The following SRPK2 variants were observed in gnomAD, a reference collection of about 807,000 sequenced individuals.
The protein encoded by SRPK2 is SFRS protein kinase 2.
A neutral mutation model predicts 90.8 loss-of-function variants in SRPK2; 21 were observed. That is an observed-to-expected ratio of 0.23 (90% confidence interval 0.16 to 0.33). SRPK2 has a LOEUF of 0.33. SRPK2 is among the 10% of genes least tolerant of loss of function. SRPK2 has a pLI of 1.00. For missense variants in SRPK2, 620 were observed against 869.0 expected, an observed-to-expected ratio of 0.71 and a Z score of 3.60; for synonymous variants, 288 against 311.1, an observed-to-expected ratio of 0.93 and a Z score of 0.78.
At chr7:105,379,496 C>A (rs549875697) in intron 2 of SRPK2, among the ~76,000 whole-genome samples, 2 of 152,124 alleles carry the variant, frequency 1.3e-5, no homozygotes, top group South Asian at 2.1e-4. Flanking sequence ...ATATGAAATT[C>A]AAGAACAGAC....
At chr7:105,122,726 T>C (rs1443460927) in intron 15 of SRPK2, among the ~76,000 whole-genome samples, 1 of 152,138 alleles carries the variant, frequency 6.6e-6, no homozygotes, top group African/African-American at 2.4e-5. Context: ...AACGTGGATT[T>C]TATGCTGCTG....
rs1298799106 is a variant in SRPK2 at position 105,294,534 on chromosome 7, TTTGTTTTG to T, written c.72-90757_72-90750del. On this transcript the variant is annotated intron_variant, in intron 2 of 15. Transcript: ENST00000393651. ...GTTTTTTTGTTTTGTTTTGTTTTGT[TTTGTTTTG>T]TTTTTTTGAAATGGAGTCTCTGTGT... 2.1e-3 allele frequency among the ~76,000 whole-genome samples: 319 copies of T among 151,954 alleles called. 2 individuals carry two copies. The highest frequency in any genetic ancestry group is 7.4e-3 in the African/African-American group (307 of 41,470).
intron 2 of SRPK2, among the ~76,000 whole-genome samples, chr7:105,303,005 C>T (rs1362858487): frequency 6.6e-6 from 1 of 151,768 alleles, no homozygotes; most frequent in Non-Finnish European, 1.5e-5. Flanking sequence ...ACCCAGGAGG[C>T]GGAGCTTGCA....
In SRPK2 at chr7:105,144,809, A is replaced by G. The variant is rs187518462; in HGVS notation, c.813+474T>C. Among the ~76,000 whole-genome samples the G allele has an allele frequency of 1.2e-4, 18 of 152,316 alleles. No individual in the cohort carries two copies. The East Asian group carries it at 3.3e-3, about 28-fold the overall frequency. On this transcript the variant is annotated intron_variant, in intron 9 of 15. Transcript: ENST00000393651. ...CTATCCCAACTCTGCACAGATCATTAAAACTTAACAAGACAGGCTGGGCGT... is the reference window on the plus strand; with the variant it reads ...CTATCCCAACTCTGCACAGATCATTGAAACTTAACAAGACAGGCTGGGCGT...
chr7:105,347,062 CTT>C (rs540861532), intron 2 of SRPK2, among the ~76,000 whole-genome samples: 3 of 140,216 alleles, frequency 2.1e-5, no homozygotes, highest in Non-Finnish European at 3.1e-5. Context: ...GATAGACTGG[CTT>C]TTTTTTTTTT....
At chr7:105,208,968 A>G (rs1796533227) in intron 2 of SRPK2, among the ~76,000 whole-genome samples, 1 of 151,992 alleles carries the variant, frequency 6.6e-6, no homozygotes, top group South Asian at 2.1e-4. Context: ...CAAAAACAAC[A>G]ATAAATTTTT....
intron 2 of SRPK2, among the ~76,000 whole-genome samples, chr7:105,272,327 C>A (rs1416915504): frequency 6.6e-6 from 1 of 152,196 alleles, no homozygotes; most frequent in Non-Finnish European, 1.5e-5. Flanking sequence ...TTTAATCAAT[C>A]CTTTACCATC....
Position 105,256,153 on chromosome 7 carries a change from T to G in SRPK2, c.72-52368A>C, listed in dbSNP as rs117826989. Among the ~76,000 whole-genome samples, 914 of 152,328 alleles carry G rather than the reference T, an allele frequency of 6.0e-3. 7 individuals carry two copies. The highest frequency in any genetic ancestry group is 9.5e-3 in the Non-Finnish European group (648 of 68,032). On this transcript the variant is annotated intron_variant, in intron 2 of 15. Coordinates refer to ENST00000393651, the MANE Select transcript of SRPK2 (RefSeq NM_182692.3). ...TTCCATTATTTCAATCTACAGCTAA[T>G]GCTTAGTAATCACAGTATTTAAAAA...
chr7:105,379,135 A>G (rs1820642004), intron 2 of SRPK2, among the ~76,000 whole-genome samples: 1 of 151,776 alleles, frequency 6.6e-6, no homozygotes, highest in African/African-American at 2.4e-5. Context: ...CCAACAAAGC[A>G]AGACCCAGTC....
At chr7:105,252,933 AGG>A (rs1802684700) in intron 2 of SRPK2, among the ~76,000 whole-genome samples, 1 of 151,674 alleles carries the variant, frequency 6.6e-6, no homozygotes, top group African/African-American at 2.4e-5. Context: ...AGTAGAGACA[AGG>A]TTTCATCATG....
At chr7:105,346,020 A>C (rs1402981350) in intron 2 of SRPK2, among the ~76,000 whole-genome samples, 1 of 151,920 alleles carries the variant, frequency 6.6e-6, no homozygotes, top group Non-Finnish European at 1.5e-5. Context: ...CATTAAGATG[A>C]AACTTAACTT....
At chr7:105,206,650 T>C (rs953513812) in intron 2 of SRPK2, 2 of 152,160 alleles carry the variant, frequency 1.3e-5, no homozygotes, top group Non-Finnish European at 2.9e-5. Context: ...CCCAATACAG[T>C]AGCCACCAGC....
intron 2 of SRPK2, among the ~76,000 whole-genome samples, chr7:105,377,420 C>T (rs1257928925): frequency 6.7e-6 from 1 of 149,158 alleles, no homozygotes; most frequent in East Asian, 1.9e-4. Flanking sequence ...AGGCTGGGCG[C>T]GGTGGCTCAT....
chr7:105,295,383 C>T (rs1421704552), intron 2 of SRPK2, among the ~76,000 whole-genome samples: 2 of 151,732 alleles, frequency 1.3e-5, no homozygotes, highest in Non-Finnish European at 2.9e-5. Context: ...ATACTAATTA[C>T]ATGAATAAGA....
chr7:105,173,899 T>G (rs939448013), intron 3 of SRPK2, among the ~76,000 whole-genome samples: 4 of 151,568 alleles, frequency 2.6e-5, no homozygotes, highest in African/African-American at 9.7e-5. Flanking sequence ...AACCATGCAT[T>G]TATCAAATAG....
rs117271870 is a variant in SRPK2 at position 105,180,972 on chromosome 7, A to T, written c.230-11707T>A. 3.1e-3 allele frequency among the ~76,000 whole-genome samples: 467 copies of T among 151,528 alleles called. 14 individuals are homozygous for T. The East Asian group carries it at 0.063, about 20-fold the overall frequency. On this transcript the variant is annotated intron_variant, in intron 3 of 15. Transcript: ENST00000393651. ...TGGCAGAAATATTTACAAACAAAGC[A>T]TCTGACAAAGGTATAATATCCAGAA...
At chr7:105,130,502 G>C (rs1461305946) in intron 13 of SRPK2, among the ~76,000 whole-genome samples, 2 of 151,996 alleles carry the variant, frequency 1.3e-5, no homozygotes, top group Non-Finnish European at 2.9e-5. Flanking sequence ...GTGAACTATA[G>C]TCCTGCCACT....
At chr7:105,180,089 TA>T (rs1792570180) in intron 3 of SRPK2, among the ~76,000 whole-genome samples, 1 of 151,956 alleles carries the variant, frequency 6.6e-6, no homozygotes, top group African/African-American at 2.4e-5. Flanking sequence ...TTAAAGTCCA[TA>T]AGGAACCAAA....
intron 2 of SRPK2, chr7:105,204,611 T>C (rs1795969501): frequency 4.9e-6 from 3 of 609,434 alleles, no homozygotes; most frequent in Non-Finnish European, 2.9e-6. Context: ...TGACGGCTGC[T>C]GTGGAAAGGT....
Sources: gnomAD v4.1 joint callset for allele counts (sites outside exome capture counted in the v4.1 genomes callset) on GRCh38, gnomAD v4.1.1 for gene constraint, MANE v1.5 for transcripts, NCBI Gene and HGNC (gene_info 2026-07-23, HGNC 2026-07-21) for gene names.